SASH1: variants seen among roughly 807,000 people sequenced by gnomAD.
The protein encoded by SASH1 is SAM and SH3 domain containing 1.
SASH1 carries 44 observed loss-of-function variants against 125.2 expected under a neutral mutation model. The ratio of observed to expected loss-of-function variants is 0.35; its 90% CI spans 0.28 to 0.45. The LOEUF (loss-of-function observed/expected upper bound fraction) is 0.45. Ranked by LOEUF, SASH1 falls within the 20% of genes least tolerant of loss-of-function variation. The probability of loss-of-function intolerance (pLI) is 1.00; values close to 1 mark genes in which losing one functional copy is unlikely to be tolerated. For missense variants in SASH1, 1,426 were observed against 1,614.5 expected (o/e 0.88, Z 2.00); for synonymous variants, 639 against 649.1 (o/e 0.98, Z 0.24).
rs535487301 is a variant in SASH1, at chr6:148,464,006, G to A, written c.387-4539G>A. 9.2e-5 allele frequency among the ~76,000 whole-genome samples: 14 copies of A among 152,290 alleles called. No homozygotes were observed. The South Asian group carries it at 2.9e-3, about 32-fold the overall frequency. On this transcript the variant is annotated intron_variant, in intron 4 of 19. Coordinates refer to ENST00000367467, the MANE Select transcript of SASH1 (RefSeq NM_015278.5). ...AGAGGTGAATAAATAAATACTGAAT[G>A]AAAGAATGAGTGAAAATGAATACAC...
At chr6:148,523,062 A>G (rs1780911700) in intron 10 of SASH1, among the ~76,000 whole-genome samples, 1 of 152,252 alleles carries the variant, frequency 6.6e-6, no homozygotes, top group Non-Finnish European at 1.5e-5. Flanking sequence ...AAATAAATGC[A>G]TACAATAGGC....
chr6:148,331,733 C>T (rs1328755526), intron 1 of SASH1, among the ~76,000 whole-genome samples: 1 of 151,974 alleles, frequency 6.6e-6, no homozygotes, highest in African/African-American at 2.4e-5. Context: ...GCTTTGTGAC[C>T]CAACTTGAAC....
chr6:148,511,736 G>A (rs1185811851), intron 8 of SASH1, among the ~76,000 whole-genome samples: 3 of 152,118 alleles, frequency 2.0e-5, no homozygotes, highest in Admixed American at 2.0e-4. Flanking sequence ...TACTGTCCTT[G>A]TTTAACTATT....
chr6:148,304,658 A>G (rs1051222689), intron 1 of SASH1, among the ~76,000 whole-genome samples: 10 of 152,130 alleles, frequency 6.6e-5, no homozygotes, highest in African/African-American at 2.2e-4. Flanking sequence ...TCCACCTTAA[A>G]AAAAGAGAAG....
chr6:148,229,154 A>AAC, the SASH1 span, among the ~76,000 whole-genome samples: 1 of 148,616 alleles, frequency 6.7e-6, no homozygotes, highest in Non-Finnish European at 1.5e-5. Context: ...AAAAAAAAAA[A>AAC]AAACACTTAA....
chr6:148,198,328 T>C, the SASH1 span, among the ~76,000 whole-genome samples: 1 of 152,240 alleles, frequency 6.6e-6, no homozygotes, highest in Non-Finnish European at 1.5e-5. Context: ...CAGTCTTGAA[T>C]ATTTCTTTCT....
chr6:148,465,830 A>C (rs1777808924), intron 4 of SASH1, among the ~76,000 whole-genome samples: 1 of 152,014 alleles, frequency 6.6e-6, no homozygotes, highest in South Asian at 2.1e-4. Flanking sequence ...GCTTGCTCTT[A>C]TTTTGCTCCC....
chr6:148,255,461 T>G, the SASH1 span, among the ~76,000 whole-genome samples: 2 of 152,192 alleles, frequency 1.3e-5, no homozygotes, highest in Non-Finnish European at 2.9e-5. Flanking sequence ...TATAGTCATA[T>G]GGAGGTTTCA....
intron 1 of SASH1, among the ~76,000 whole-genome samples, chr6:148,378,054 T>C (rs1391254928): frequency 2.4e-5 from 2 of 82,226 alleles, no homozygotes; most frequent in Admixed American, 2.9e-4. Context: ...TCACCCACAA[T>C]TTTTTTTTTT....
chr6:148,244,159 C>T, the SASH1 span, among the ~76,000 whole-genome samples: 1 of 152,158 alleles, frequency 6.6e-6, no homozygotes, highest in African/African-American at 2.4e-5. Context: ...AGCACTTGAC[C>T]ATCTTCCCCC....
At chr6:148,462,135 T>C (rs893977616) in intron 4 of SASH1, among the ~76,000 whole-genome samples, 1 of 152,106 alleles carries the variant, frequency 6.6e-6, no homozygotes, top group East Asian at 1.9e-4. Context: ...AAAGACCAGA[T>C]TTCAAATTCA....
chr6:148,344,436 A>G (rs2114638329), intron 1 of SASH1, among the ~76,000 whole-genome samples: 1 of 152,276 alleles, frequency 6.6e-6, no homozygotes, highest in South Asian at 2.1e-4. Context: ...TGGACATCCT[A>G]AAAGCCCAGT....
chr6:148,388,416 G>A (rs1458947529), intron 1 of SASH1, among the ~76,000 whole-genome samples: 1 of 152,234 alleles, frequency 6.6e-6, no homozygotes, highest in Non-Finnish European at 1.5e-5. Context: ...AGTCCAGGCT[G>A]TGGGCTCAGA....
chr6:148,361,621 A>G (rs1002519057), intron 1 of SASH1, among the ~76,000 whole-genome samples: 5 of 152,178 alleles, frequency 3.3e-5, no homozygotes, highest in African/African-American at 9.6e-5. Flanking sequence ...AGGAAAGGGA[A>G]AAAAAGGACA....
chr6:148,487,172 G>A (rs1474612922), intron 7 of SASH1, among the ~76,000 whole-genome samples: 6 of 148,260 alleles, frequency 4.0e-5, no homozygotes, highest in African/African-American at 1.5e-4. Flanking sequence ...TAAAATGTCT[G>A]TAGTCTGTCA....
the SASH1 span, among the ~76,000 whole-genome samples, chr6:148,215,716 G>A: frequency 7.2e-5 from 11 of 152,174 alleles, no homozygotes; most frequent in East Asian, 1.2e-3. Flanking sequence ...TCGTTTCATC[G>A]CATCCCCAGA....
chr6:148,447,317 G>A (rs1411304234), intron 4 of SASH1, among the ~76,000 whole-genome samples: 1 of 152,198 alleles, frequency 6.6e-6, no homozygotes, highest in African/African-American at 2.4e-5. Flanking sequence ...ATAGAGCAGT[G>A]TTCTGTGGTG....
chr6:148,519,626 C>T lies in SASH1; in HGVS notation c.942C>T (p.Pro314=), dbSNP rs1343841709. The change falls in exon 10 of 20, where the codon CCC becomes CCT. Residue 314 remains proline, a synonymous_variant. Coordinates refer to ENST00000367467, the MANE Select transcript of SASH1 (RefSeq NM_015278.5). This position sits in a 1 kb window ranked among gnomAD's most constrained non-coding sequence, Gnocchi z 4.8. ...TCTACTCTGGCGTGCACAAGAAGCC[C>T]CTTTTCTTTGATGGCTCTCCTGAGA... ...SALYSGVHKK[P]LFFDGSPEKP... The T allele has an allele frequency of 6.2e-7, 1 of 1,614,026 alleles. No individual in the cohort carries two copies. Among genetic ancestry groups the T allele is most frequent in the Non-Finnish European group, 8.5e-7 (1 of 1,180,050 alleles).
chr6:148,450,320 T>A (rs1777033294), intron 4 of SASH1, among the ~76,000 whole-genome samples: 1 of 152,122 alleles, frequency 6.6e-6, no homozygotes, highest in Non-Finnish European at 1.5e-5. Flanking sequence ...CCTACATATA[T>A]CCCTAGCCCT....
Sources: gnomAD v4.1 joint callset for allele counts (sites outside exome capture counted in the v4.1 genomes callset) on GRCh38, gnomAD v4.1.1 for gene constraint, Gnocchi (gnomAD v3.1) non-coding constraint, MANE v1.5 for transcripts, NCBI Gene and HGNC (gene_info 2026-07-23, HGNC 2026-07-21) for gene names.